TMEM120B: variants seen among roughly 807,000 people sequenced by gnomAD.
The protein encoded by TMEM120B is transmembrane protein 120B.
TMEM120B carries 31 observed loss-of-function variants against 55.5 expected under a neutral mutation model. That is an observed-to-expected ratio of 0.56 (90% CI 0.42 to 0.75). The LOEUF is 0.75. Ranked by LOEUF, TMEM120B falls within the 30% of genes least tolerant of loss-of-function variation. The pLI, the probability that TMEM120B is intolerant of heterozygous loss-of-function variation, is 0.00. For missense variants in TMEM120B, 399 were observed against 425.5 expected (o/e 0.94, Z 0.55); for synonymous variants, 203 against 176.3 (o/e 1.15, Z -1.20).
At chr12:121,767,593 C>G (rs189544214) in intron 6 of TMEM120B, among the ~76,000 whole-genome samples, 1 of 152,192 alleles carries the variant, frequency 6.6e-6, no homozygotes, top group African/African-American at 2.4e-5. Flanking sequence ...TGTGAATATA[C>G]TAAAAGCCAC....
In TMEM120B at chr12:121,775,833, T is replaced by C. The variant is rs1007215813; in HGVS notation, c.*111T>C. The C allele has an allele frequency of 8.4e-7, 1 of 1,197,238 alleles. No individual in the cohort carries two copies. Among genetic ancestry groups the C allele is most frequent in the Non-Finnish European group, 1.2e-6 (1 of 829,436 alleles). The allele number at this position is 1,197,238 out of a possible 1,614,324, so 74.2% of individuals were successfully genotyped here. A position where few individuals can be genotyped will look rare whatever the true frequency, so the allele number is the denominator to read the frequency against. ...CATCGCTGGGAGAGGGCCCAGGCCC[T>C]GGTCCCCCAGTGGACCCCAGTGGTC... On this transcript the variant is annotated 3_prime_UTR_variant, in exon 12 of 12. Coordinates refer to ENST00000449592, the MANE Select transcript of TMEM120B (RefSeq NM_001080825.2). The surrounding 1 kb of genome is among the most constrained non-coding windows in gnomAD (Gnocchi z 4.3).
chr12:121,775,136 G>T lies in TMEM120B; in HGVS notation c.906+6G>T. ...AGGAATGCAGAGAATGGCAGGTATG[G>T]GGGGTGGGGGCATGCTCGGGGGAGG... is the stretch of plus-strand genomic sequence containing the variant. On this transcript the variant is annotated splice_donor_region_variant and intron_variant, in intron 11 of 11. Coordinates refer to ENST00000449592, the MANE Select transcript of TMEM120B (RefSeq NM_001080825.2). This position sits in a 1 kb window ranked among gnomAD's most constrained non-coding sequence, Gnocchi z 4.3. 6.2e-7 allele frequency: 1 copy of T among 1,608,254 alleles called. No homozygotes were observed. The highest frequency in any genetic ancestry group is 1.1e-5 in the South Asian group (1 of 90,622).
intron 1 of TMEM120B, among the ~76,000 whole-genome samples, chr12:121,725,349 A>G (rs901382647): frequency 6.6e-6 from 1 of 152,124 alleles, no homozygotes; most frequent in South Asian, 2.1e-4. Context: ...GCTGCCTCCC[A>G]TTTTTGGGTG....
At position 121,780,797 on chromosome 12, in the gene TMEM120B, C is replaced by T; in HGVS notation, c.*5075C>T. 2 of 1,512,460 alleles carry T rather than the reference C, an allele frequency of 1.3e-6. No individual in the cohort carries two copies. Among genetic ancestry groups the T allele is most frequent in the Non-Finnish European group, 1.8e-6 (2 of 1,127,422 alleles). The allele number at this position is 1,512,460 out of a possible 1,614,324, so 93.7% of individuals were successfully genotyped here. A position where few individuals can be genotyped will look rare whatever the true frequency, so the allele number is the denominator to read the frequency against. ...AGCTCCCTGAAAGGCCACTAAGGCA[C>T]CCCAGTTGCAGAGGCCAAAGGTCCG... On this transcript the variant is annotated 3_prime_UTR_variant, in exon 12 of 12. Transcript: ENST00000449592.
chr12:121,719,054 C>T (rs1015664776), intron 1 of TMEM120B, among the ~76,000 whole-genome samples: 1 of 152,166 alleles, frequency 6.6e-6, no homozygotes, highest in Non-Finnish European at 1.5e-5. Flanking sequence ...CGTCCCAGGG[C>T]TGACTCTCAT....
chr12:121,779,625 T>C lies in TMEM120B; in HGVS notation c.*3903T>C. ...CCGAAACTTGGCGGAACATTCCAGG[T>C]AGAGAGCAGCTCGGATCTGTTCGCA... On this transcript the variant is annotated 3_prime_UTR_variant, in exon 12 of 12. Transcript: ENST00000449592. 1 of 1,614,088 alleles carries C rather than the reference T, an allele frequency of 6.2e-7. No homozygotes were observed. The highest frequency in any genetic ancestry group is 1.1e-5 in the South Asian group (1 of 91,086).
rs750207829 is a variant in TMEM120B, at chr12:121,773,526, G to T, written c.772+13G>T. ...GATCTCACAGTGGGTGAGTAGCTGG[G>T]CCTGGGTTGGAGCCGGGGCAGGTAC... is the stretch of plus-strand genomic sequence containing the variant. On this transcript the variant is annotated intron_variant, in intron 9 of 11. Coordinates refer to ENST00000449592, the MANE Select transcript of TMEM120B (RefSeq NM_001080825.2). 2 of 1,573,036 alleles carry T rather than the reference G, an allele frequency of 1.3e-6. No homozygotes were observed. The highest frequency in any genetic ancestry group is 1.7e-6 in the Non-Finnish European group (2 of 1,157,806).
intron 5 of TMEM120B, among the ~76,000 whole-genome samples, chr12:121,756,434 T>A (rs1873477344): frequency 6.6e-6 from 1 of 152,160 alleles, no homozygotes; most frequent in Non-Finnish European, 1.5e-5. Flanking sequence ...AGAGCAAAAC[T>A]CTGTCTCTAG....
At chr12:121,757,761 C>T (rs2137257453) in intron 5 of TMEM120B, among the ~76,000 whole-genome samples, 1 of 152,256 alleles carries the variant, frequency 6.6e-6, no homozygotes, top group South Asian at 2.1e-4. Flanking sequence ...CGTGATCCAC[C>T]CACCTCGGCC....
intron 5 of TMEM120B, among the ~76,000 whole-genome samples, chr12:121,759,350 G>A (rs1385892080): frequency 6.6e-6 from 1 of 152,052 alleles, no homozygotes; most frequent in Non-Finnish European, 1.5e-5. Flanking sequence ...TAAGGCAGAA[G>A]AAGAAACAAG....
intron 5 of TMEM120B, chr12:121,758,090 G>T: frequency 1.1e-6 from 1 of 900,166 alleles, no homozygotes; most frequent in Non-Finnish European, 1.3e-6. Flanking sequence ...CTGCACTCCA[G>T]CCTGACTCTA....
chr12:121,724,425 G>T (rs1287516932), intron 1 of TMEM120B, among the ~76,000 whole-genome samples: 1 of 152,102 alleles, frequency 6.6e-6, no homozygotes, highest in Non-Finnish European at 1.5e-5. Context: ...TGATCCACCC[G>T]CCTTGGCCTC....
In TMEM120B at chr12:121,712,799, G is replaced by C. The variant is rs1592918660; in HGVS notation, c.-97G>C. On this transcript the variant is annotated 5_prime_UTR_variant, in exon 1 of 12. Coordinates refer to ENST00000449592, the MANE Select transcript of TMEM120B (RefSeq NM_001080825.2). ...GCGCAGGAACAGCTGGTGCCTCCGA[G>C]GGCGGTCGGCGAGCGCGCGGGCGTG... The C allele has an allele frequency of 4.5e-6, 4 of 890,000 alleles. No individual in the cohort carries two copies. Among genetic ancestry groups the C allele is most frequent in the East Asian group, 3.7e-5 (1 of 26,750 alleles). The allele number at this position is 890,000 out of a possible 1,614,324, so 55.1% of individuals were successfully genotyped here.
At chr12:121,774,280 C>A (rs868805365) in intron 9 of TMEM120B, among the ~76,000 whole-genome samples, 1 of 152,186 alleles carries the variant, frequency 6.6e-6, no homozygotes, top group Non-Finnish European at 1.5e-5. Flanking sequence ...TTGACATAGT[C>A]ATTTCCATCA....
chr12:121,769,528 A>G (rs1256649732), intron 6 of TMEM120B, among the ~76,000 whole-genome samples: 1 of 151,818 alleles, frequency 6.6e-6, no homozygotes, highest in Non-Finnish European at 1.5e-5. Flanking sequence ...CAACATAGCA[A>G]GACCCTGTCT....
intron 1 of TMEM120B, among the ~76,000 whole-genome samples, chr12:121,736,550 G>A (rs6486773): frequency 0.95 from 143,260 of 151,584 alleles, 68,090 homozygotes; most frequent in East Asian, 1. Context: ...CACCATGCCC[G>A]GCCTTCTTTT....
rs183384211 is a variant in TMEM120B at position 121,751,785 on chromosome 12, T to C, written c.366-343T>C. Among the ~76,000 whole-genome samples the C allele has an allele frequency of 2.0e-5, 3 of 152,170 alleles. No homozygotes were observed. In the East Asian group the frequency reaches 5.8e-4, roughly 30 times the overall value. ...TAGGGAGATGGGCAGTCCAGTCTACTCTGAGTCTACCCCATTTCCAGACAG... is the reference window on the plus strand; with the variant it reads ...TAGGGAGATGGGCAGTCCAGTCTACCCTGAGTCTACCCCATTTCCAGACAG... On this transcript the variant is annotated intron_variant, in intron 4 of 11. Transcript: ENST00000449592.
intron 1 of TMEM120B, among the ~76,000 whole-genome samples, chr12:121,743,241 G>T (rs1872984258): frequency 6.6e-6 from 1 of 151,984 alleles, no homozygotes; most frequent in South Asian, 2.1e-4. Context: ...TCAACTCAAA[G>T]TGAACACTAA....
At chr12:121,763,226 A>G (rs1452575632) in intron 6 of TMEM120B, among the ~76,000 whole-genome samples, 2 of 140,792 alleles carry the variant, frequency 1.4e-5, no homozygotes, top group South Asian at 4.5e-4. Flanking sequence ...GCAGTGGCGC[A>G]ATCTCGGCTC....
Sources: allele counts gnomAD v4.1 joint callset (sites outside exome capture counted in the v4.1 genomes callset), GRCh38; gene constraint gnomAD v4.1.1; non-coding constraint Gnocchi (gnomAD v3.1); transcripts MANE v1.5; gene names NCBI Gene and HGNC (gene_info 2026-07-23, HGNC 2026-07-21).